RBL2: variants seen among roughly 807,000 people sequenced by gnomAD.
RBL2 encodes retinoblastoma-like protein 2.
RBL2 carries 56 observed loss-of-function variants against 126.0 expected under a neutral mutation model. The observed-to-expected ratio is 0.44, with a 90% confidence interval of 0.36 to 0.56. The LOEUF (loss-of-function observed/expected upper bound fraction) is 0.56, where lower values mean the gene tolerates loss of function less well. RBL2 is among the 20% of genes least tolerant of loss of function. The pLI is 0.00. For missense variants in RBL2, 1,229 were observed against 1,398.2 expected (o/e 0.88, Z 1.93); for synonymous variants, 454 against 478.5 (o/e 0.95, Z 0.67).
intron 18 of RBL2, 171 bp downstream of exon 18, chr16:53,479,396 G>C: frequency 1.7e-6 from 1 of 585,472 alleles, no homozygotes; most frequent in South Asian, 2.3e-5. Context: ...GTTGATTAAG[G>C]TCTCTTTTCC....
chr16:53,464,293 C>T lies in RBL2; in HGVS notation c.1628C>T (p.Ser543Phe). 3 of 1,599,042 alleles carry T rather than the reference C, an allele frequency of 1.9e-6. No homozygotes were observed. Among genetic ancestry groups the T allele is most frequent in the Non-Finnish European group, 2.6e-6 (3 of 1,166,898 alleles). ...LACCLEVVTF[S>F]YKPPGNFPFI... The stretch of plus-strand genomic sequence containing the variant: ...TGCTGCCTTGAGGTCGTCACTTTTT[C>T]TTATAAGCCTCCTGGGAATTTTCCA... The change falls in exon 12 of 22, where the codon TCT (serine) becomes TTT (phenylalanine). Residue 543 changes from serine to phenylalanine, a missense_variant. Ser to Phe is a radical substitution (Grantham distance 155, BLOSUM62 -2). Around this residue, in one of 2 missense-constraint regions of RBL2, gnomAD observed 1,070 missense variants for 1,274.3 expected, o/e 0.84. Coordinates refer to ENST00000262133, the MANE Select transcript of RBL2 (RefSeq NM_005611.4).
At chr16:53,471,313 A>T (rs1251077495) in intron 17 of RBL2, among the ~76,000 whole-genome samples, 1 of 152,076 alleles carries the variant, frequency 6.6e-6, no homozygotes, top group Non-Finnish European at 1.5e-5. Context: ...CTATTTAGGG[A>T]ATTGCTAGAT....
chr16:53,465,265 G>A (rs1482603281), intron 12 of RBL2, among the ~76,000 whole-genome samples, 173 bp from the exon 13 acceptor site: 2 of 152,098 alleles, frequency 1.3e-5, no homozygotes, highest in Admixed American at 1.3e-4. Flanking sequence ...ACATCACAAT[G>A]TAAACCATTT....
At chr16:53,456,089 T>C (rs1309933784) in intron 8 of RBL2, among the ~76,000 whole-genome samples, 1 of 151,966 alleles carries the variant, frequency 6.6e-6, no homozygotes, top group Non-Finnish European at 1.5e-5. Flanking sequence ...GTTAGGAGGA[T>C]TCGTTGAGCC....
chr16:53,483,743 A>T (rs1961046349), intron 21 of RBL2, among the ~76,000 whole-genome samples: 1 of 152,084 alleles, frequency 6.6e-6, no homozygotes, highest in Non-Finnish European at 1.5e-5. Context: ...GTACAAAAAA[A>T]TTAGCCGGGC....
rs1178378934 is a variant in RBL2, at chr16:53,440,953, C to CTTTTTTTTTT, written c.372-1690_372-1681dup. ...ACTCTATTTTTTTTATTTTTCAGTTCTTTTTTTTTTTTTTTTTTTTTTTTG... is the reference window on the plus strand; with the variant it reads ...ACTCTATTTTTTTTATTTTTCAGTTCTTTTTTTTTTTTTTTTTTTTTTTTTTTTTTTTTTG... On this transcript the variant is annotated intron_variant, in intron 2 of 21. Coordinates refer to ENST00000262133, the MANE Select transcript of RBL2 (RefSeq NM_005611.4). Among the ~76,000 whole-genome samples the CTTTTTTTTTT allele has an allele frequency of 4.6e-4, 33 of 71,666 alleles. 1 individual carries two copies. Among genetic ancestry groups the CTTTTTTTTTT allele is most frequent in the Non-Finnish European group, 5.2e-4 (21 of 40,364 alleles). The allele number at this position is 71,666 out of a possible 152,430, so 47.0% of individuals were successfully genotyped here. A position where few individuals can be genotyped will look rare whatever the true frequency, so the allele number is the denominator to read the frequency against.
At chr16:53,479,647 T>C (rs1215281149) in intron 18 of RBL2, 2 of 473,682 alleles carry the variant, frequency 4.2e-6, no homozygotes, top group Non-Finnish European at 7.5e-6. Flanking sequence ...CTTGACATTA[T>C]GGTTGGGTGC....
Position 53,480,023 on chromosome 16 carries a change from A to G in RBL2, c.2881+32A>G. 8 of 1,440,354 alleles carry G rather than the reference A, an allele frequency of 5.6e-6. 1 individual carries two copies. Among genetic ancestry groups the G allele is most frequent in the Non-Finnish European group, 2.9e-6 (3 of 1,043,962 alleles). The allele number at this position is 1,440,354 out of a possible 1,614,324, so 89.2% of individuals were successfully genotyped here. ...GGGATCTTTGTGAACTACAAGACAA[A>G]ATTAGGAGCTTTTCTTACTTTTTAG... On this transcript the variant is annotated intron_variant, in intron 19 of 21. Transcript: ENST00000262133.
At chr16:53,449,586 G>GAAAAAAA (rs777289704) in intron 4 of RBL2, 3 of 58,802 alleles carry the variant, frequency 5.1e-5, no homozygotes, top group Non-Finnish European at 8.1e-5. Context: ...ACCGTGTCTC[G>GAAAAAAA]AAAAAAAAAA....
At chr16:53,480,849 T>C in intron 20 of RBL2, 80 bp downstream of exon 20, 1 of 1,376,418 alleles carries the variant, frequency 7.3e-7, no homozygotes, top group Non-Finnish European at 1.0e-6. Flanking sequence ...TATGGACCAT[T>C]CACCTGGTCC....
chr16:53,438,767 C>T (rs2057982945), intron 1 of RBL2, among the ~76,000 whole-genome samples: 1 of 143,080 alleles, frequency 7.0e-6, no homozygotes, highest in African/African-American at 2.6e-5. Flanking sequence ...GTGCTTGAAC[C>T]TGGGAGGTGG....
intron 4 of RBL2, 101 bp from the exon 5 acceptor site, chr16:53,451,602 A>G (rs2058115301): frequency 7.7e-7 from 1 of 1,300,298 alleles, no homozygotes; most frequent in Non-Finnish European, 1.1e-6. Context: ...TCAATTTTGT[A>G]CAATTGTTTT....
intron 11 of RBL2, among the ~76,000 whole-genome samples, chr16:53,463,298 G>T (rs2150806419): frequency 6.6e-6 from 1 of 152,186 alleles, no homozygotes; most frequent in Admixed American, 6.5e-5. Context: ...TGGTCATCTA[G>T]CCAGTCACCT....
Position 53,434,605 on chromosome 16 carries a change from G to C in RBL2, c.49G>C (p.Ala17Pro), listed in dbSNP as rs1377318811. 6.4e-7 allele frequency: 1 copy of C among 1,550,484 alleles called. No homozygotes were observed. Among genetic ancestry groups the C allele is most frequent in the Admixed American group, 1.9e-5 (1 of 53,888 alleles). ...GCCACCGCCCCCGCCTCCCCCTCCG[G>C]CGGCGGCAGCCTCGGATGAGGAGGA... ...QSPPPPPPPP[A>P]AAASDEEEED... Residue 17 changes from alanine to proline, a missense_variant, in exon 1 of 22, where the codon GCG (alanine) becomes CCG (proline). Ala to Pro is a conservative substitution (Grantham distance 27, BLOSUM62 -1). Transcript: ENST00000262133.
intron 17 of RBL2, among the ~76,000 whole-genome samples, chr16:53,475,481 G>A (rs1446223817): frequency 6.6e-6 from 1 of 152,184 alleles, no homozygotes; most frequent in East Asian, 1.9e-4. Flanking sequence ...CTCCCAAAGT[G>A]CTGGGATTGC....
chr16:53,447,029 T>TC lies in RBL2; in HGVS notation c.573-12dup. On this transcript the variant is annotated splice_polypyrimidine_tract_variant and intron_variant, in intron 3 of 21. Transcript: ENST00000262133. ...TCTGTTGTCTCATGACTTTTTTTTT[T>TC]CTTCCCCCAAAGGCGACAGCCCTGT... The TC allele has an allele frequency of 6.7e-7, 1 of 1,493,114 alleles. No individual in the cohort carries two copies. Among genetic ancestry groups the TC allele is most frequent in the Non-Finnish European group, 8.9e-7 (1 of 1,123,280 alleles). The allele number at this position is 1,493,114 out of a possible 1,614,324, so 92.5% of individuals were successfully genotyped here.
chr16:53,479,130 C>G (rs1960843212), intron 17 of RBL2, 24 bp from the exon 18 acceptor site: 1 of 1,589,024 alleles, frequency 6.3e-7, no homozygotes, highest in Non-Finnish European at 8.6e-7. Context: ...CCATGTCTCT[C>G]AGAGCACTCT....
intron 3 of RBL2, among the ~76,000 whole-genome samples, chr16:53,443,928 C>T (rs559767866): frequency 6.6e-6 from 1 of 152,264 alleles, no homozygotes; most frequent in Non-Finnish European, 1.5e-5. Flanking sequence ...AGCTCACTTA[C>T]AGTTTTGGGG....
intron 21 of RBL2, among the ~76,000 whole-genome samples, chr16:53,484,913 TTAA>T (rs1318368427): frequency 6.6e-6 from 1 of 152,108 alleles, no homozygotes; most frequent in Admixed American, 6.5e-5. Flanking sequence ...AGTGGCTGTA[TTAA>T]TATCAGAGAA....
Sources: gnomAD v4.1 joint callset for allele counts (sites outside exome capture counted in the v4.1 genomes callset) on GRCh38, gnomAD v4.1.1 for gene constraint, gnomAD v4.1.1 regional missense constraint, MANE v1.5 for transcripts, NCBI Gene and HGNC (gene_info 2026-07-23, HGNC 2026-07-21) for gene names.